Variants in FAM168A observed in about 807,000 individuals in gnomAD.
FAM168A encodes family with sequence similarity 168 member A.
FAM168A carries 3 observed loss-of-function variants against 28.5 expected under a neutral mutation model. The ratio of observed to expected loss-of-function variants is 0.11; its 90% confidence interval spans 0.05 to 0.27. FAM168A has a LOEUF of 0.27. Ranked by LOEUF, FAM168A falls within the 10% of genes least tolerant of loss-of-function variation. The pLI, the probability that FAM168A is intolerant of heterozygous loss-of-function variation, is 1.00. For synonymous variants in FAM168A, 122 were observed against 124.2 expected (o/e 0.98, Z 0.12); for missense variants, 222 against 311.5 (o/e 0.71, Z 2.16).
chr11:73,409,775 C>G, intron 5 of FAM168A, 114 bp from the exon 6 acceptor site: 2 of 1,084,194 alleles, frequency 1.8e-6, no homozygotes, highest in South Asian at 3.2e-5. Flanking sequence ...CTCTGCTTGT[C>G]TTACTATGTG....
intron 1 of FAM168A, among the ~76,000 whole-genome samples, chr11:73,587,938 T>C (rs7934307): frequency 1.3e-5 from 2 of 152,040 alleles, no homozygotes; most frequent in Admixed American, 6.6e-5. Context: ...TTAGTAGAGA[T>C]GGGGTTTCAC....
chr11:73,516,794 A>C (rs1417490841), intron 1 of FAM168A, among the ~76,000 whole-genome samples: 1 of 152,194 alleles, frequency 6.6e-6, no homozygotes, highest in Non-Finnish European at 1.5e-5. Flanking sequence ...GACCTCTGGT[A>C]CTTTAAAGAA....
At chr11:73,540,791 T>C (rs1943643777) in intron 1 of FAM168A, among the ~76,000 whole-genome samples, 2 of 152,174 alleles carry the variant, frequency 1.3e-5, no homozygotes, top group African/African-American at 2.4e-5. Context: ...TTACTGTCAG[T>C]TTCCCCCACT....
chr11:73,493,875 C>T (rs1300871155), intron 1 of FAM168A, among the ~76,000 whole-genome samples: 3 of 152,240 alleles, frequency 2.0e-5, no homozygotes, highest in Non-Finnish European at 4.4e-5. Context: ...CTGTCTCCTA[C>T]ATGAAGCTTC....
chr11:73,587,163 A>C (rs1235765014), intron 1 of FAM168A, among the ~76,000 whole-genome samples: 1 of 146,576 alleles, frequency 6.8e-6, no homozygotes, highest in Non-Finnish European at 1.5e-5. Context: ...AAAAAAAAAA[A>C]AAAAAAAAAA....
At chr11:73,449,643 G>C (rs1169719992) in intron 2 of FAM168A, among the ~76,000 whole-genome samples, 2 of 152,212 alleles carry the variant, frequency 1.3e-5, no homozygotes, top group African/African-American at 2.4e-5. Flanking sequence ...GGCGGGAAGA[G>C]GGTAGGAAGG....
At chr11:73,572,900 T>A (rs985390475) in intron 1 of FAM168A, among the ~76,000 whole-genome samples, 10 of 151,442 alleles carry the variant, frequency 6.6e-5, no homozygotes, top group South Asian at 2.1e-4. Context: ...AAATAATTAA[T>A]TAAACACACT....
chr11:73,456,965 G>A (rs1176371286), intron 2 of FAM168A, among the ~76,000 whole-genome samples: 1 of 152,194 alleles, frequency 6.6e-6, no homozygotes, highest in African/African-American at 2.4e-5. Flanking sequence ...CCAGCACAGA[G>A]GCTGACAGCC....
intron 1 of FAM168A, among the ~76,000 whole-genome samples, chr11:73,489,670 C>G (rs1357125348): frequency 6.6e-6 from 1 of 152,132 alleles, no homozygotes; most frequent in African/African-American, 2.4e-5. Flanking sequence ...GCCACCACTC[C>G]TGGCTAATTT....
At chr11:73,474,440 T>G (rs1243804509) in intron 1 of FAM168A, among the ~76,000 whole-genome samples, 3 of 152,068 alleles carry the variant, frequency 2.0e-5, no homozygotes, top group Non-Finnish European at 2.9e-5. Flanking sequence ...TGGGCTCAAG[T>G]GATCCTCCTG....
At chr11:73,515,520 A>G (rs889193341) in intron 1 of FAM168A, among the ~76,000 whole-genome samples, 6 of 151,578 alleles carry the variant, frequency 4.0e-5, no homozygotes, top group Admixed American at 1.3e-4. Context: ...AAAAAAAAAA[A>G]AAAAAGAAAA....
intron 1 of FAM168A, among the ~76,000 whole-genome samples, chr11:73,501,954 A>G (rs570914624): frequency 6.6e-6 from 1 of 152,248 alleles, no homozygotes; most frequent in South Asian, 2.1e-4. Flanking sequence ...ACAAAAAATT[A>G]GCCAGGTGTG....
intron 4 of FAM168A, among the ~76,000 whole-genome samples, chr11:73,419,406 G>C (rs981618752): frequency 1.3e-4 from 20 of 152,080 alleles, no homozygotes; most frequent in Non-Finnish European, 2.8e-4. Flanking sequence ...CTTTCCTACT[G>C]GCATGTAGGG....
chr11:73,455,836 G>A (rs898651796), intron 2 of FAM168A, among the ~76,000 whole-genome samples: 6 of 152,208 alleles, frequency 3.9e-5, no homozygotes, highest in African/African-American at 1.4e-4. Context: ...GAGGGGAAGA[G>A]AGCACCTATG....
chr11:73,589,470 CA>C (rs1944355522), intron 1 of FAM168A, among the ~76,000 whole-genome samples: 1 of 138,878 alleles, frequency 7.2e-6, no homozygotes, highest in Non-Finnish European at 1.5e-5. Context: ...TAAAATACAC[CA>C]ACACTAACGA....
At chr11:73,518,863 C>A (rs1423453815) in intron 1 of FAM168A, among the ~76,000 whole-genome samples, 1 of 152,156 alleles carries the variant, frequency 6.6e-6, no homozygotes, top group Non-Finnish European at 1.5e-5. Flanking sequence ...CGCCACTGCA[C>A]TCCAGCCTGG....
At chr11:73,501,208 C>T (rs145267450) in intron 1 of FAM168A, among the ~76,000 whole-genome samples, 190 of 152,272 alleles carry the variant, frequency 1.2e-3, no homozygotes, top group African/African-American at 4.4e-3. Context: ...TTCTTAGAGA[C>T]CTACAAAGAT....
chr11:73,484,666 ATATAGATATGTATCGC>A (rs2134599453), intron 1 of FAM168A, among the ~76,000 whole-genome samples: 1 of 144,362 alleles, frequency 6.9e-6, no homozygotes, highest in East Asian at 2.0e-4. Context: ...ATATAGATAG[ATATAGATATGTATCGC>A]TATAGATATA....
intron 1 of FAM168A, among the ~76,000 whole-genome samples, chr11:73,485,559 CA>C (rs1868042163): frequency 6.6e-6 from 1 of 152,154 alleles, no homozygotes; most frequent in Non-Finnish European, 1.5e-5. Flanking sequence ...TAGCAATGAG[CA>C]AAAACTTCTA....
Sources: gnomAD v4.1 joint callset for allele counts (sites outside exome capture counted in the v4.1 genomes callset) on GRCh38, gnomAD v4.1.1 for gene constraint, MANE v1.5 for transcripts, NCBI Gene and HGNC (gene_info 2026-07-23, HGNC 2026-07-21) for gene names.